Variants in TMCC2 observed in about 807,000 individuals in gnomAD.
The protein encoded by TMCC2 is transmembrane and coiled-coil domains protein 2.
TMCC2 carries 16 observed loss-of-function variants against 49.4 expected under a neutral mutation model. The observed-to-expected ratio is 0.32, with a 90% CI of 0.22 to 0.49. The LOEUF is 0.49. Among genes scored for constraint, TMCC2 ranks in the 20% least tolerant of loss-of-function variants. The pLI is 0.99. For missense variants in TMCC2, 762 were observed against 989.8 expected (o/e 0.77, Z 3.09); for synonymous variants, 397 against 434.1 (o/e 0.91, Z 1.06).
In TMCC2 at chr1:205,269,036, G is replaced by T; in HGVS notation, c.834G>T (p.Gly278=). The change falls in exon 3 of 5, where the codon GGG becomes GGT. Residue 278 remains glycine, a synonymous_variant. Transcript: ENST00000358024. The part of the protein sequence containing the change: ...DGPISLDVPD[G]APDPQRTKAA... ...CCATCAGCCTGGACGTGCCCGATGGGGCACCGGACCCCCAGCGGACCAAGG... is the reference window on the plus strand; with the variant it reads ...CCATCAGCCTGGACGTGCCCGATGGTGCACCGGACCCCCAGCGGACCAAGG... 1.2e-6 allele frequency: 2 copies of T among 1,613,542 alleles called. No homozygotes were observed. The highest frequency in any genetic ancestry group is 1.7e-6 in the Non-Finnish European group (2 of 1,180,014).
chr1:205,268,909 C>A, intron 2 of TMCC2, 41 bp from the exon 3 acceptor site: 1 of 1,597,670 alleles, frequency 6.3e-7, no homozygotes, highest in South Asian at 1.1e-5. Flanking sequence ...CCTATGGTCC[C>A]AGGGTTTACC....
chr1:205,264,323 TTTTTTG>T lies in TMCC2; in HGVS notation c.748-4614_748-4609del, dbSNP rs1354301338. Among the ~76,000 whole-genome samples, 23 of 152,276 alleles carry T rather than the reference TTTTTTG, an allele frequency of 1.5e-4. No individual in the cohort carries two copies. The highest frequency in any genetic ancestry group is 5.3e-4 in the African/African-American group (22 of 41,560). ...TGACACTGTTGTTTCTTGTTTTTTGTTTTTTGTTTTTGTTTTTGAGACGGAGTCTCT... is the reference window on the plus strand; with the variant it reads ...TGACACTGTTGTTTCTTGTTTTTTGTTTTTTGTTTTTGAGACGGAGTCTCT... On this transcript the variant is annotated intron_variant, in intron 2 of 4. Transcript: ENST00000358024. The surrounding 1 kb of genome is among the most constrained non-coding windows in gnomAD (Gnocchi z 4.2).
At chr1:205,245,583 A>G (rs1319275078) in intron 2 of TMCC2, among the ~76,000 whole-genome samples, 1 of 152,168 alleles carries the variant, frequency 6.6e-6, no homozygotes, top group Non-Finnish European at 1.5e-5. Context: ...ATCAACACAG[A>G]CTGTTTCTCA....
rs535520659 is a variant in TMCC2 at position 205,268,958 on chromosome 1, G to A, written c.756G>A (p.Lys252=). The change falls in exon 3 of 5, where the codon AAG becomes AAA. Residue 252 remains lysine (K), a synonymous_variant. Coordinates refer to ENST00000358024, the MANE Select transcript of TMCC2 (RefSeq NM_014858.4). ...EAEGIGDKVD[K]GDLVALSLPA... ...CCTGCCTCTTTCCCCAGGTCGATAA[G>A]GGAGACCTGGTGGCCCTGAGCCTCC... 18 of 1,612,518 alleles carry A rather than the reference G, an allele frequency of 1.1e-5. No individual in the cohort carries two copies. The African/African-American group carries it at 2.3e-4, about 20-fold the overall frequency.
intron 2 of TMCC2, chr1:205,246,543 G>A (rs1660459325): frequency 6.5e-7 from 1 of 1,536,586 alleles, no homozygotes; most frequent in Non-Finnish European, 8.8e-7. Context: ...TCTGTTCTCA[G>A]AGTGAGGAGC....
At position 205,228,499 on chromosome 1, in the gene TMCC2, G is replaced by T; in HGVS notation, c.-66G>T. ...CCCAGGCCTCATATGAATATAAGAG[G>T]GGGTGCGGTCTTCCCCAAGACGGCG... is the stretch of plus-strand genomic sequence containing the variant. On this transcript the variant is annotated 5_prime_UTR_variant, in exon 1 of 5. Transcript: ENST00000358024. 1 of 1,397,680 alleles carries T rather than the reference G, an allele frequency of 7.2e-7. No individual in the cohort carries two copies. The highest frequency in any genetic ancestry group is 9.9e-7 in the Non-Finnish European group (1 of 1,013,562). 86.6% of individuals were successfully genotyped at this position (1,397,680 alleles called of 1,614,324 possible).
chr1:205,241,907 G>C lies in TMCC2; in HGVS notation c.610G>C (p.Asp204His), dbSNP rs1179260871. 1 of 1,609,712 alleles carries C rather than the reference G, an allele frequency of 6.2e-7. No homozygotes were observed. The change falls in exon 2 of 5, where the codon GAC (aspartate) becomes CAC (histidine). Residue 204 changes from aspartate (D) to histidine (H), a missense_variant. Around this residue, in one of 2 missense-constraint regions of TMCC2, gnomAD observed 322 missense variants for 353.1 expected, o/e 0.91. Transcript: ENST00000358024. This position sits in a 1 kb window ranked among gnomAD's most constrained non-coding sequence, Gnocchi z 7.3. Reference protein sequence around the residue: ...SPHLLRKAPQDSSLAAILHQH... With the variant: ...SPHLLRKAPQHSSLAAILHQH... The stretch of plus-strand genomic sequence containing the variant: ...TCACCTGCTGCGCAAGGCCCCCCAG[G>C]ACAGCAGCCTGGCCGCCATCCTGCA...
chr1:205,234,458 CAAAA>C (rs528150629), intron 1 of TMCC2, among the ~76,000 whole-genome samples: 108 of 152,082 alleles, frequency 7.1e-4, no homozygotes, highest in Non-Finnish European at 1.2e-3. Context: ...AAATAAAAAA[CAAAA>C]CAAACAAACA....
At position 205,236,068 on chromosome 1, in the gene TMCC2, C is replaced by CA. The variant is rs3060144; in HGVS notation, c.208-5418dup. ...TAGGCGACACAGCAGGACTCTGTCT[C>CA]AAAAAAAAAAAAAAAAAAAGAACAG... On this transcript the variant is annotated intron_variant, in intron 1 of 4. Transcript: ENST00000358024. Among the ~76,000 whole-genome samples the CA allele has an allele frequency of 3.8e-3, 447 of 116,156 alleles. 2 individuals are homozygous for CA. The highest frequency in any genetic ancestry group is 6.0e-3 in the Non-Finnish European group (330 of 55,354). The allele number at this position is 116,156 out of a possible 152,430, so 76.2% of individuals were successfully genotyped here. A position where few individuals can be genotyped will look rare whatever the true frequency, so the allele number is the denominator to read the frequency against.
intron 2 of TMCC2, among the ~76,000 whole-genome samples, chr1:205,249,314 C>T (rs2102562836): frequency 6.6e-6 from 1 of 152,324 alleles, no homozygotes; most frequent in South Asian, 2.1e-4. Context: ...TCTTCTCTGC[C>T]CCAGCATAAA....
intron 2 of TMCC2, among the ~76,000 whole-genome samples, chr1:205,262,045 C>T (rs1328078087): frequency 1.3e-5 from 2 of 152,064 alleles, no homozygotes; most frequent in Non-Finnish European, 2.9e-5. Context: ...TAAAGCTGTC[C>T]CTATCTGTGT....
chr1:205,254,516 C>T (rs978439244), intron 2 of TMCC2, among the ~76,000 whole-genome samples: 14 of 152,220 alleles, frequency 9.2e-5, no homozygotes, highest in African/African-American at 3.4e-4. Flanking sequence ...CTTAGAAAAG[C>T]ATTGCTCTGC....
Position 205,269,865 on chromosome 1 carries a change from C to T in TMCC2, c.1663C>T (p.Leu555=), listed in dbSNP as rs1207831354. 1.2e-6 allele frequency: 2 copies of T among 1,613,172 alleles called. No homozygotes were observed. The highest frequency in any genetic ancestry group is 4.5e-5 in the East Asian group (2 of 44,860). Residue 555 remains leucine (L), a synonymous_variant, in exon 3 of 5, where the codon CTG becomes TTG. Coordinates refer to ENST00000358024, the MANE Select transcript of TMCC2 (RefSeq NM_014858.4). The part of the protein sequence containing the change: ...QRDYTYMTQC[L]QEERYRYERL... Reference sequence around the variant, plus strand: ...GGACTACACCTACATGACCCAGTGCCTGCAGGAGGAGCGCTACAGGTAGGT... The same window carrying T: ...GGACTACACCTACATGACCCAGTGCTTGCAGGAGGAGCGCTACAGGTAGGT...
At chr1:205,246,729 A>G (rs1660468094) in intron 2 of TMCC2, 1 of 1,542,872 alleles carries the variant, frequency 6.5e-7, no homozygotes, top group South Asian at 1.2e-5. Context: ...CAAATTAGAA[A>G]AATCCTGTCA....
At position 205,228,680 on chromosome 1, in the gene TMCC2, C is replaced by T. The variant is rs112979653; in HGVS notation, c.116C>T (p.Thr39Met). The T allele has an allele frequency of 0.021, 33,531 of 1,612,788 alleles. 574 individuals are homozygous for T. Among genetic ancestry groups the T allele is most frequent in the East Asian group, 0.063 (2,806 of 44,866 alleles). ...GCGGACCTCCGGCCTGGGGAGACCACGGGTGCTAACTCTGCTGGCGGGCCA... is the reference window on the plus strand; with the variant it reads ...GCGGACCTCCGGCCTGGGGAGACCATGGGTGCTAACTCTGCTGGCGGGCCA... ...PGADLRPGETTGANSAGGPTS... is the reference protein window; with the variant it reads ...PGADLRPGETMGANSAGGPTS... Residue 39 changes from threonine to methionine, a missense_variant, in exon 1 of 5, where the codon ACG becomes ATG. This residue lies in a region of TMCC2 where 322 missense variants were observed against 353.1 expected (regional missense o/e 0.91). Coordinates refer to ENST00000358024, the MANE Select transcript of TMCC2 (RefSeq NM_014858.4).
At chr1:205,254,612 T>C (rs1235616941) in intron 2 of TMCC2, among the ~76,000 whole-genome samples, 1 of 152,238 alleles carries the variant, frequency 6.6e-6, no homozygotes. Context: ...GAACCCCTGT[T>C]TTCCTGCTGT....
chr1:205,241,572 G>A lies in TMCC2; in HGVS notation c.275G>A (p.Arg92His), dbSNP rs778462308. ...CTGAAGCACCTGTTCCACAGCCGCC[G>A]TCGGTCTCGGGAAAGGGAGCACCAG... The part of the protein sequence containing the change: ...HGLKHLFHSR[R>H]RSREREHQTS... Residue 92 changes from arginine to histidine, a missense_variant, in exon 2 of 5, where the codon CGT becomes CAT. Coordinates refer to ENST00000358024, the MANE Select transcript of TMCC2 (RefSeq NM_014858.4). This position sits in a 1 kb window ranked among gnomAD's most constrained non-coding sequence, Gnocchi z 7.3. 1.2e-5 allele frequency: 20 copies of A among 1,613,910 alleles called. No homozygotes were observed. The highest frequency in any genetic ancestry group is 3.3e-5 in the Admixed American group (2 of 60,014).
intron 1 of TMCC2, among the ~76,000 whole-genome samples, chr1:205,234,988 C>T (rs1354566056): frequency 2.0e-5 from 3 of 152,050 alleles, no homozygotes; most frequent in Non-Finnish European, 4.4e-5. Context: ...AGGGGTGGGA[C>T]ATTTATTACC....
intron 1 of TMCC2, among the ~76,000 whole-genome samples, chr1:205,235,009 A>C (rs903155432): frequency 1.4e-4 from 22 of 152,310 alleles, no homozygotes; most frequent in African/African-American, 5.3e-4. Flanking sequence ...AAACAAGAGA[A>C]GAGGGGCTTT....
Sources: allele counts gnomAD v4.1 joint callset (sites outside exome capture counted in the v4.1 genomes callset), GRCh38; gene constraint gnomAD v4.1.1; regional missense constraint gnomAD v4.1.1; non-coding constraint Gnocchi (gnomAD v3.1); transcripts MANE v1.5; gene names NCBI Gene and HGNC (gene_info 2026-07-23, HGNC 2026-07-21).